TULP4: variants seen among roughly 807,000 people sequenced by gnomAD.
TULP4 encodes tubby-related protein 4.
In TULP4, 16 loss-of-function variants were observed where a neutral mutation model predicts 129.0. That is an observed-to-expected ratio of 0.12 (90% CI 0.08 to 0.19). TULP4 has a LOEUF of 0.19. Ranked by LOEUF, TULP4 falls within the 10% of genes least tolerant of loss-of-function variation. The pLI is 1.00. For missense variants in TULP4, 1,842 were observed against 2,059.1 expected, an observed-to-expected ratio of 0.89 and a Z score of 2.04; for synonymous variants, 998 against 854.0, an observed-to-expected ratio of 1.17 and a Z score of -2.94.
At chr6:158,330,182 G>A (rs182990691) in intron 1 of TULP4, among the ~76,000 whole-genome samples, 1 of 152,130 alleles carries the variant, frequency 6.6e-6, no homozygotes, top group East Asian at 1.9e-4. Context: ...ATCTCAATTT[G>A]GATTAGCCAC....
chr6:158,499,324 TC>T (rs1780397013), intron 12 of TULP4, among the ~76,000 whole-genome samples: 1 of 152,156 alleles, frequency 6.6e-6, no homozygotes, highest in Admixed American at 6.5e-5. Context: ...CTACCTCTCT[TC>T]CACCGCAACC....
intron 9 of TULP4, among the ~76,000 whole-genome samples, chr6:158,492,115 C>T (rs1369332626): frequency 6.6e-6 from 1 of 152,206 alleles, no homozygotes; most frequent in African/African-American, 2.4e-5. Flanking sequence ...GCCTTGGCCT[C>T]CCTAAGTGCT....
intron 6 of TULP4, among the ~76,000 whole-genome samples, chr6:158,476,485 T>C (rs780383653): frequency 6.6e-6 from 1 of 152,190 alleles, no homozygotes; most frequent in Non-Finnish European, 1.5e-5. Context: ...CCTGCTTGGC[T>C]GAGAATTCCA....
rs937490781 is a variant in TULP4, at chr6:158,375,589, G to T, written c.253-37476G>T. Among the ~76,000 whole-genome samples, 4 of 152,186 alleles carry T rather than the reference G, an allele frequency of 2.6e-5. No individual in the cohort carries two copies. The East Asian group carries it at 5.8e-4, about 22-fold the overall frequency. ...AAAGTGTACAGGGAAAGTTACATTT[G>T]ATCTGAGTTTTGAAGGAGGAAAAGA... On this transcript the variant is annotated intron_variant, in intron 1 of 13. Coordinates refer to ENST00000367097, the MANE Select transcript of TULP4 (RefSeq NM_020245.5).
chr6:158,438,774 A>C (rs560336937), intron 3 of TULP4, among the ~76,000 whole-genome samples: 1 of 152,100 alleles, frequency 6.6e-6, no homozygotes, highest in Admixed American at 6.5e-5. Flanking sequence ...TAGTAGAGAC[A>C]GGGTTTCACC....
chr6:158,389,336 C>T (rs1777533881), intron 1 of TULP4, among the ~76,000 whole-genome samples: 1 of 152,136 alleles, frequency 6.6e-6, no homozygotes, highest in Non-Finnish European at 1.5e-5. Context: ...CTTATGTTCC[C>T]AGCTACTTGG....
At chr6:158,252,620 C>T (rs3861980) in intron 1 of TULP4, among the ~76,000 whole-genome samples, 50,052 of 151,896 alleles carry the variant, frequency 0.33, 9,229 homozygotes, top group Admixed American at 0.45. Flanking sequence ...ATGATCTGCC[C>T]GCCTCGGCCT....
intron 2 of TULP4, 71 bp from the exon 3 acceptor site, chr6:158,429,665 A>G: frequency 7.2e-7 from 1 of 1,396,366 alleles, no homozygotes; most frequent in Non-Finnish European, 9.8e-7. Context: ...GTTAATGACT[A>G]TGTCTAGACT....
At chr6:158,418,181 A>C (rs1410254356) in intron 2 of TULP4, among the ~76,000 whole-genome samples, 1 of 147,576 alleles carries the variant, frequency 6.8e-6, no homozygotes, top group Admixed American at 6.9e-5. Context: ...TCTTCGGCTC[A>C]CTGCAACCTC....
chr6:158,433,565 G>C (rs1778681857), intron 3 of TULP4, among the ~76,000 whole-genome samples: 1 of 152,150 alleles, frequency 6.6e-6, no homozygotes, highest in Admixed American at 6.5e-5. Flanking sequence ...CAAAAAATTA[G>C]CCAGGCGTGG....
At chr6:158,486,686 T>C (rs1780078683) in intron 8 of TULP4, among the ~76,000 whole-genome samples, 1 of 152,092 alleles carries the variant, frequency 6.6e-6, no homozygotes, top group Non-Finnish European at 1.5e-5. Context: ...GCCTCCAGAG[T>C]ATGAGGAAAC....
chr6:158,325,839 T>C (rs1207172186), intron 1 of TULP4, among the ~76,000 whole-genome samples: 2 of 152,172 alleles, frequency 1.3e-5, no homozygotes, highest in Non-Finnish European at 2.9e-5. Flanking sequence ...GTAATAGTTA[T>C]ACATATTGGT....
At chr6:158,374,019 G>T (rs189660393) in intron 1 of TULP4, among the ~76,000 whole-genome samples, 1 of 152,324 alleles carries the variant, frequency 6.6e-6, no homozygotes, top group African/African-American at 2.4e-5. Context: ...TGTCCTGCTA[G>T]TTGGAAATCT....
intron 1 of TULP4, among the ~76,000 whole-genome samples, chr6:158,257,829 C>T (rs2128455958): frequency 6.6e-6 from 1 of 152,328 alleles, no homozygotes; most frequent in Admixed American, 6.5e-5. Flanking sequence ...CAACTCATTT[C>T]CCCTTTAACC....
At chr6:158,427,387 T>A (rs1778519299) in intron 2 of TULP4, among the ~76,000 whole-genome samples, 1 of 150,404 alleles carries the variant, frequency 6.6e-6, no homozygotes, top group African/African-American at 2.5e-5. Flanking sequence ...AGTTGATTTT[T>A]AAAAGGAAAA....
intron 1 of TULP4, among the ~76,000 whole-genome samples, chr6:158,341,672 AT>A (rs1355967713): frequency 6.7e-6 from 1 of 148,810 alleles, no homozygotes; most frequent in Admixed American, 6.7e-5. Context: ...GATGTTGGGC[AT>A]TTTTTTTTCA....
At chr6:158,461,895 G>T (rs1029517845) in intron 6 of TULP4, among the ~76,000 whole-genome samples, 166 bp downstream of exon 6, 1 of 152,154 alleles carries the variant, frequency 6.6e-6, no homozygotes, top group Non-Finnish European at 1.5e-5. Context: ...TAACCAGAAT[G>T]CTTTATTCTA....
chr6:158,277,994 G>A (rs954238987), upstream of TULP4, among the ~76,000 whole-genome samples: 2 of 152,144 alleles, frequency 1.3e-5, no homozygotes, highest in Admixed American at 1.3e-4. Flanking sequence ...TTCTTTTGCT[G>A]CTGTGGCCTT....
At chr6:158,361,426 A>G (rs1054284105) in intron 1 of TULP4, among the ~76,000 whole-genome samples, 1 of 152,220 alleles carries the variant, frequency 6.6e-6, no homozygotes, top group African/African-American at 2.4e-5. Context: ...GTCCCTTATA[A>G]TTGAGAGAGA....
Sources: gnomAD v4.1 joint callset for allele counts (sites outside exome capture counted in the v4.1 genomes callset) on GRCh38, gnomAD v4.1.1 for gene constraint, MANE v1.5 for transcripts, NCBI Gene and HGNC (gene_info 2026-07-23, HGNC 2026-07-21) for gene names.